Variants in HNRNPA2B1 observed in about 807,000 individuals in gnomAD.
HNRNPA2B1 encodes heterogeneous nuclear ribonucleoproteins A2/B1.
In HNRNPA2B1, 3 loss-of-function variants were observed where a neutral mutation model predicts 46.3. That is an observed-to-expected ratio of 0.06 (90% CI 0.03 to 0.17). HNRNPA2B1 has a LOEUF of 0.17. Among genes scored for constraint, HNRNPA2B1 ranks in the 10% least tolerant of loss-of-function variants. The probability of loss-of-function intolerance (pLI) is 1.00; values close to 1 mark genes in which losing one functional copy is unlikely to be tolerated. For synonymous variants in HNRNPA2B1, 225 were observed against 133.8 expected, an observed-to-expected ratio of 1.68 and a Z score of -4.70; for missense variants, 221 against 418.9, an observed-to-expected ratio of 0.53 and a Z score of 4.12.
intron 1 of HNRNPA2B1, chr7:26,199,034 G>C (rs111369468): frequency 3.3e-5 from 5 of 152,126 alleles, no homozygotes; most frequent in Admixed American, 1.3e-4. Context: ...TTTTGAAATG[G>C]TTACTTGTCA....
rs776800508 is a variant in HNRNPA2B1 at position 26,192,587 on chromosome 7, T to G, written c.965-10A>C. Reference sequence around the variant, plus strand: ...CCTGGACCATAGTTTCCTATAATTGTTGGAACAGCAAGAGAAAACAAACTT... The same window carrying G: ...CCTGGACCATAGTTTCCTATAATTGGTGGAACAGCAAGAGAAAACAAACTT... On this transcript the variant is annotated splice_polypyrimidine_tract_variant and intron_variant, in intron 9 of 10. Coordinates refer to ENST00000618183, the MANE Select transcript of HNRNPA2B1 (RefSeq NM_002137.4). The G allele has an allele frequency of 1.7e-5, 28 of 1,613,026 alleles. No individual in the cohort carries two copies. The highest frequency in any genetic ancestry group is 2.2e-5 in the Non-Finnish European group (26 of 1,179,138).
chr7:26,195,359 T>G (rs1259557662), intron 7 of HNRNPA2B1, among the ~76,000 whole-genome samples: 1 of 152,226 alleles, frequency 6.6e-6, no homozygotes, highest in African/African-American at 2.4e-5. Context: ...ATATCACACT[T>G]CATGTTTAAT....
At chr7:26,200,124 G>A (rs1369759279) in intron 1 of HNRNPA2B1, 1 of 204,028 alleles carries the variant, frequency 4.9e-6, no homozygotes, top group African/African-American at 2.3e-5. Flanking sequence ...AGAGGAAGGC[G>A]AGCCATGAAA....
At chr7:26,194,532 C>A (rs576659684) in intron 7 of HNRNPA2B1, among the ~76,000 whole-genome samples, 3 of 139,282 alleles carry the variant, frequency 2.2e-5, no homozygotes, top group Non-Finnish European at 4.5e-5. Context: ...AACCCCCACA[C>A]CTCTACAAAA....
chr7:26,194,288 C>T (rs139901767), intron 7 of HNRNPA2B1, among the ~76,000 whole-genome samples: 1 of 152,020 alleles, frequency 6.6e-6, no homozygotes, highest in African/African-American at 2.4e-5. Flanking sequence ...ACTAGCTACT[C>T]TGGAGGCTGA....
chr7:26,196,612 C>T lies in HNRNPA2B1; in HGVS notation c.522G>A (p.Lys174=), dbSNP rs1393350871. 7 of 1,614,006 alleles carry T rather than the reference C, an allele frequency of 4.3e-6. No homozygotes were observed. The highest frequency in any genetic ancestry group is 1.1e-5 in the South Asian group (1 of 91,080). Residue 174 remains lysine (K), a synonymous_variant, in exon 5 of 11, where the codon AAG becomes AAA. Transcript: ENST00000618183. ...CCTGCATTTCTTGTCTAGACAAAGCCTTTCTTACTTCTGCATTATGACCAT... is the reference window on the plus strand; with the variant it reads ...CCTGCATTTCTTGTCTAGACAAAGCTTTTCTTACTTCTGCATTATGACCAT... ...TINGHNAEVR[K]ALSRQEMQEV... is the part of the protein sequence containing the mutation.
chr7:26,197,259 T>A (rs1461577774), intron 3 of HNRNPA2B1, 56 bp downstream of exon 3: 2 of 1,526,082 alleles, frequency 1.3e-6, no homozygotes, highest in Non-Finnish European at 1.8e-6. Context: ...AGTTTCTGAT[T>A]TTCAGCAGGG....
rs1442729655 is a variant in HNRNPA2B1, at chr7:26,197,878, A to G, written c.7-146T>C. On this transcript the variant is annotated intron_variant, in intron 1 of 10. Coordinates refer to ENST00000618183, the MANE Select transcript of HNRNPA2B1 (RefSeq NM_002137.4). ...GTTTCTAAAGTTTTCTGGGGGGAAA[A>G]AAAAAACTTACATCAAATTTAAACC... is the stretch of plus-strand genomic sequence containing the variant. 26 of 1,580,366 alleles carry G rather than the reference A, an allele frequency of 1.6e-5. No homozygotes were observed. The Admixed American group carries it at 4.9e-4, about 30-fold the overall frequency.
chr7:26,200,598 C>T lies in HNRNPA2B1; in HGVS notation c.-21G>A. 1.9e-6 allele frequency: 3 copies of T among 1,613,596 alleles called. No homozygotes were observed. Among genetic ancestry groups the T allele is most frequent in the South Asian group, 1.1e-5 (1 of 91,086 alleles). On this transcript the variant is annotated 5_prime_UTR_variant, in exon 1 of 11. Transcript: ENST00000618183. Reference sequence around the variant, plus strand: ...TCCATCGCGGACTCAGTCGCTTCAGCCCGATTTCCCGCAGCCGAGCGAGAT... The same window carrying T: ...TCCATCGCGGACTCAGTCGCTTCAGTCCGATTTCCCGCAGCCGAGCGAGAT...
In HNRNPA2B1 at chr7:26,200,730, C is replaced by T; in HGVS notation, c.-153G>A. 1 of 944,430 alleles carries T rather than the reference C, an allele frequency of 1.1e-6. No homozygotes were observed. The highest frequency in any genetic ancestry group is 1.7e-6 in the Non-Finnish European group (1 of 591,062). 58.5% of individuals were successfully genotyped at this position (944,430 alleles called of 1,614,324 possible). On this transcript the variant is annotated 5_prime_UTR_variant, in exon 1 of 11. Transcript: ENST00000618183. ...TGCGAGGAGCACCTCCGCACGGGAC[C>T]CGGCGCTGCTGCTACTGCCGCTAGA...
intron 7 of HNRNPA2B1, among the ~76,000 whole-genome samples, chr7:26,194,816 T>C (rs567956540): frequency 3.4e-5 from 5 of 148,438 alleles, no homozygotes; most frequent in Non-Finnish European, 7.4e-5. Flanking sequence ...AAAAAAAGGC[T>C]GGGCATGGTT....
chr7:26,200,292 C>T (rs1040329152), intron 1 of HNRNPA2B1: 8 of 505,476 alleles, frequency 1.6e-5, no homozygotes, highest in Non-Finnish European at 2.5e-5. Flanking sequence ...CCCGCCTCCG[C>T]GCCCCACTTT....
At chr7:26,194,468 G>A (rs1287248788) in intron 7 of HNRNPA2B1, among the ~76,000 whole-genome samples, 1 of 151,960 alleles carries the variant, frequency 6.6e-6, no homozygotes, top group Non-Finnish European at 1.5e-5. Context: ...GGAAGTTGAG[G>A]CGGGTGGATT....
In HNRNPA2B1 at chr7:26,189,995, C is replaced by G. The variant is rs1782705798; in HGVS notation, c.*2365G>C. 6.6e-6 allele frequency: 1 copy of G among 152,184 alleles called. No individual in the cohort carries two copies. Among genetic ancestry groups the G allele is most frequent in the Admixed American group, 6.5e-5 (1 of 15,276 alleles). 9.4% of individuals were successfully genotyped at this position (152,184 alleles called of 1,614,324 possible). A position where few individuals can be genotyped will look rare whatever the true frequency, so the allele number is the denominator to read the frequency against. On this transcript the variant is annotated 3_prime_UTR_variant, in exon 11 of 11. Coordinates refer to ENST00000618183, the MANE Select transcript of HNRNPA2B1 (RefSeq NM_002137.4). ...TGTCCACAATGCTCTTCTCATTTACCTGTTAATATTAAAATATGCATAGCT... is the reference window on the plus strand; with the variant it reads ...TGTCCACAATGCTCTTCTCATTTACGTGTTAATATTAAAATATGCATAGCT...
intron 9 of HNRNPA2B1, among the ~76,000 whole-genome samples, chr7:26,193,034 A>AC (rs1286901692): frequency 6.6e-6 from 1 of 151,848 alleles, no homozygotes; most frequent in Non-Finnish European, 1.5e-5. Flanking sequence ...ACTACTGAAC[A>AC]CCCCCACCTC....
Position 26,197,449 on chromosome 7 carries a change from G to A in HNRNPA2B1, c.130C>T (p.Pro44Ser), listed in dbSNP as rs1215020028. ...KLTDCVVMRD[P>S]ASKRSRGFGF... Reference sequence around the variant, plus strand: ...AATCCTCTTGATCTTTTGCTTGCAGGATCCCTCATTACCTTTCAAACCAAA... The same window carrying A: ...AATCCTCTTGATCTTTTGCTTGCAGAATCCCTCATTACCTTTCAAACCAAA... Residue 44 changes from proline to serine, a missense_variant, in exon 3 of 11, where the codon CCT (proline) becomes TCT (serine). Around this residue, in one of 2 missense-constraint regions of HNRNPA2B1, gnomAD observed 78 missense variants for 218.5 expected, o/e 0.36. Transcript: ENST00000618183. 2 of 1,613,726 alleles carry A rather than the reference G, an allele frequency of 1.2e-6. No homozygotes were observed. The highest frequency in any genetic ancestry group is 1.7e-6 in the Non-Finnish European group (2 of 1,179,886).
chr7:26,190,698 T>A lies in HNRNPA2B1; in HGVS notation c.*1662A>T, dbSNP rs548242725. ...TCAGGGTAAGACACTGAACTAGAAT[T>A]ACCACATTTAACCCACCTATTTAGT... On this transcript the variant is annotated 3_prime_UTR_variant, in exon 11 of 11. Coordinates refer to ENST00000618183, the MANE Select transcript of HNRNPA2B1 (RefSeq NM_002137.4). The A allele has an allele frequency of 6.6e-6, 1 of 152,170 alleles. No individual in the cohort carries two copies. Among genetic ancestry groups the A allele is most frequent in the Non-Finnish European group, 1.5e-5 (1 of 68,010 alleles). 9.4% of individuals were successfully genotyped at this position (152,170 alleles called of 1,614,324 possible). A position where few individuals can be genotyped will look rare whatever the true frequency, so the allele number is the denominator to read the frequency against.
chr7:26,200,696 AAAC>A lies in HNRNPA2B1; in HGVS notation c.-122_-120del. On this transcript the variant is annotated 5_prime_UTR_variant, in exon 1 of 11. Transcript: ENST00000618183. ...GTAGTGAGAACTGCCGCTGCTCGAG[AAAC>A]AACTCTGCGAGGAGCACCTCCGCAC... The A allele has an allele frequency of 3.1e-6, 4 of 1,302,694 alleles. No homozygotes were observed. The highest frequency in any genetic ancestry group is 4.4e-6 in the Non-Finnish European group (4 of 904,032). The allele number at this position is 1,302,694 out of a possible 1,614,324, so 80.7% of individuals were successfully genotyped here. A position where few individuals can be genotyped will look rare whatever the true frequency, so the allele number is the denominator to read the frequency against.
intron 7 of HNRNPA2B1, among the ~76,000 whole-genome samples, chr7:26,194,623 A>G (rs1449452366): frequency 6.7e-6 from 1 of 150,242 alleles, no homozygotes; most frequent in African/African-American, 2.5e-5. Flanking sequence ...ATGGCTTGAG[A>G]CTAAGATTGC....
Sources: allele counts gnomAD v4.1 joint callset (sites outside exome capture counted in the v4.1 genomes callset), GRCh38; gene constraint gnomAD v4.1.1; regional missense constraint gnomAD v4.1.1; transcripts MANE v1.5; gene names NCBI Gene and HGNC (gene_info 2026-07-23, HGNC 2026-07-21).